Variants in SYT7 observed in about 807,000 individuals in gnomAD.
SYT7 encodes the protein synaptotagmin-7.
Under a neutral mutation model 75.1 loss-of-function variants are expected in SYT7, and 29 were observed. That is an observed-to-expected ratio of 0.39 (90% CI 0.29 to 0.53). The LOEUF (loss-of-function observed/expected upper bound fraction) is 0.53. SYT7 is among the 20% of genes least tolerant of loss of function. The probability of loss-of-function intolerance (pLI) is 0.77; values close to 1 mark genes in which losing one functional copy is unlikely to be tolerated. For missense variants in SYT7, 693 were observed against 953.2 expected (o/e 0.73, Z 3.59); for synonymous variants, 376 against 401.7 (o/e 0.94, Z 0.76).
chr11:61,523,159 G>A lies in SYT7; in HGVS notation c.1872C>T (p.Ile624=). The A allele has an allele frequency of 6.2e-7, 1 of 1,614,216 alleles. No individual in the cohort carries two copies. ...TCGTCTCCCTCAGCTTCTCCGTGGG[G>A]ATATCGAAGGCGAAGGACTCATTGA... ...PIFNESFAFD[I]PTEKLRETTI... The change falls in exon 12 of 13, where the codon ATC becomes ATT. Residue 624 remains isoleucine (I), a synonymous_variant. Coordinates refer to ENST00000539008, the MANE Select transcript of SYT7 (RefSeq NM_001365809.2). This position sits in a 1 kb window ranked among gnomAD's most constrained non-coding sequence, Gnocchi z 5.0.
chr11:61,561,225 C>T (rs535852171), intron 1 of SYT7, among the ~76,000 whole-genome samples: 2 of 152,276 alleles, frequency 1.3e-5, no homozygotes, highest in Admixed American at 1.3e-4. Context: ...CATCCTAGGT[C>T]CCGGCGGGTA....
chr11:61,527,004 TTACG>T (rs1361142529), intron 9 of SYT7, among the ~76,000 whole-genome samples: 1 of 152,000 alleles, frequency 6.6e-6, no homozygotes, highest in Non-Finnish European at 1.5e-5. Flanking sequence ...TGGCAAAGGG[TTACG>T]GTTTGTCTAA....
In SYT7 at chr11:61,528,011, T is replaced by C; in HGVS notation, c.1375A>G (p.Lys459Glu). ...TTCTTGTCGGGCAGCAGGTAGATCT[T>C]GACGAAGGGGTCGCTGGTGCCGCTG... ...DFSGTSDPFVKIYLLPDKKHK... is the reference protein window; with the variant it reads ...DFSGTSDPFVEIYLLPDKKHK... The change falls in exon 9 of 13, where the codon AAG becomes GAG. Residue 459 changes from lysine to glutamate, a missense_variant. Around this residue, in one of 2 missense-constraint regions of SYT7, gnomAD observed 206 missense variants for 360.0 expected, o/e 0.57. Coordinates refer to ENST00000539008, the MANE Select transcript of SYT7 (RefSeq NM_001365809.2). 1 of 1,614,092 alleles carries C rather than the reference T, an allele frequency of 6.2e-7. No individual in the cohort carries two copies. Among genetic ancestry groups the C allele is most frequent in the Non-Finnish European group, 8.5e-7 (1 of 1,180,004 alleles).
chr11:61,535,620 A>G (rs1237757039), intron 7 of SYT7, among the ~76,000 whole-genome samples: 3 of 152,156 alleles, frequency 2.0e-5, no homozygotes, highest in Admixed American at 6.5e-5. Context: ...AGGGACACCA[A>G]GAATCGTGGG....
At chr11:61,560,559 G>T (rs1384283128) in intron 1 of SYT7, among the ~76,000 whole-genome samples, 1 of 152,164 alleles carries the variant, frequency 6.6e-6, no homozygotes, top group Non-Finnish European at 1.5e-5. Context: ...AGCCCTCAAA[G>T]GCAGGGTGAA....
Position 61,550,644 on chromosome 11 carries a change from T to TC in SYT7, c.215+739dup, listed in dbSNP as rs577606549. Among the ~76,000 whole-genome samples, 8 of 151,480 alleles carry TC rather than the reference T, an allele frequency of 5.3e-5. No individual in the cohort carries two copies. In the South Asian group the frequency reaches 1.7e-3, roughly 32 times the overall value. On this transcript the variant is annotated intron_variant, in intron 3 of 12. Coordinates refer to ENST00000539008, the MANE Select transcript of SYT7 (RefSeq NM_001365809.2). ...CCACTGGCCAGTGGGCACAGAGGCC[T>TC]CCCCCCCAGCAAAAGCCTCCATTTC...
At position 61,568,128 on chromosome 11, in the gene SYT7, C is replaced by A. The variant is rs948479602; in HGVS notation, c.32-11921G>T. On this transcript the variant is annotated intron_variant, in intron 1 of 12. Coordinates refer to ENST00000539008, the MANE Select transcript of SYT7 (RefSeq NM_001365809.2). ...CCCAAACAAGAACTTTGCCCATACC[C>A]GCCCCAGGAAAAAGTGAGGGGTTGC... Among the ~76,000 whole-genome samples the A allele has an allele frequency of 4.4e-4, 67 of 152,278 alleles. 1 individual carries two copies. Among genetic ancestry groups the A allele is most frequent in the Non-Finnish European group, 1.5e-4 (10 of 68,022 alleles).
chr11:61,540,398 G>T (rs2063007379), intron 6 of SYT7: 1 of 644,666 alleles, frequency 1.6e-6, no homozygotes, highest in Non-Finnish European at 1.9e-6. Context: ...GCTAAGAGTG[G>T]TTTTTACATT....
chr11:61,581,264 C>T (rs1207903215), upstream of SYT7: 2 of 147,304 alleles, frequency 1.4e-5, no homozygotes, highest in Non-Finnish European at 3.0e-5. Context: ...GAAGCCGCCC[C>T]GAGGGCACGG....
rs990739202 is a variant in SYT7, at chr11:61,551,056, C to T, written c.215+328G>A. Among the ~76,000 whole-genome samples, 7 of 152,050 alleles carry T rather than the reference C, an allele frequency of 4.6e-5. No individual in the cohort carries two copies. Among genetic ancestry groups the T allele is most frequent in the Non-Finnish European group, 8.8e-5 (6 of 67,990 alleles). On this transcript the variant is annotated intron_variant, in intron 3 of 12. Coordinates refer to ENST00000539008, the MANE Select transcript of SYT7 (RefSeq NM_001365809.2). The surrounding 1 kb of genome is among the most constrained non-coding windows in gnomAD (Gnocchi z 5.3). ...AGAGGGGCTTGGAGGTCCAGGGAAGCCGGCGGGTGGTGGGCACAGTGTGTG... is the reference window on the plus strand; with the variant it reads ...AGAGGGGCTTGGAGGTCCAGGGAAGTCGGCGGGTGGTGGGCACAGTGTGTG...
chr11:61,562,243 A>G (rs1294725443), intron 1 of SYT7, among the ~76,000 whole-genome samples: 1 of 152,132 alleles, frequency 6.6e-6, no homozygotes, highest in African/African-American at 2.4e-5. Context: ...TTCCCAGCAT[A>G]CTGGGCCTAC....
chr11:61,538,910 T>A (rs2062962036), intron 6 of SYT7, among the ~76,000 whole-genome samples: 1 of 151,998 alleles, frequency 6.6e-6, no homozygotes, highest in Admixed American at 6.6e-5. Flanking sequence ...CCAGGTAGGG[T>A]CTAAGGAGCT....
At position 61,576,662 on chromosome 11, in the gene SYT7, T is replaced by A. The variant is rs1198872859; in HGVS notation, c.31+4128A>T. ...AACCAGTTATTGAAAACGAAAACGG[T>A]CCATCAGATTCAATAAGGATTCAAA... On this transcript the variant is annotated intron_variant, in intron 1 of 12. Coordinates refer to ENST00000539008, the MANE Select transcript of SYT7 (RefSeq NM_001365809.2). This position sits in a 1 kb window ranked among gnomAD's most constrained non-coding sequence, Gnocchi z 4.1. 2.3e-5 allele frequency among the ~76,000 whole-genome samples: 3 copies of A among 128,670 alleles called. No individual in the cohort carries two copies. The highest frequency in any genetic ancestry group is 3.1e-5 in the Non-Finnish European group (2 of 63,696). 84.4% of individuals were successfully genotyped at this position (128,670 alleles called of 152,430 possible).
At chr11:61,535,401 G>C (rs538620243) in intron 7 of SYT7, among the ~76,000 whole-genome samples, 1 of 152,358 alleles carries the variant, frequency 6.6e-6, no homozygotes, top group Non-Finnish European at 1.5e-5. Context: ...CACTTGGGGT[G>C]GGGGTGGGCC....
chr11:61,546,666 A>G lies in SYT7; in HGVS notation c.348-411T>C. 2.2e-6 allele frequency: 1 copy of G among 462,116 alleles called. No homozygotes were observed. Among genetic ancestry groups the G allele is most frequent in the South Asian group, 1.5e-5 (1 of 64,602 alleles). The allele number at this position is 462,116 out of a possible 1,614,324, so 28.6% of individuals were successfully genotyped here. On this transcript the variant is annotated intron_variant, in intron 4 of 12. Transcript: ENST00000539008. This position sits in a 1 kb window ranked among gnomAD's most constrained non-coding sequence, Gnocchi z 7.6. ...ACGACGGAGGAAGAGCGGGCTGTCC[A>G]GGCCAGGAGGCCCCAAGGCAGGGAG...
At chr11:61,532,582 T>A (rs1208626870) in intron 8 of SYT7, among the ~76,000 whole-genome samples, 1 of 152,108 alleles carries the variant, frequency 6.6e-6, no homozygotes, top group Non-Finnish European at 1.5e-5. Flanking sequence ...TAAGGGGACA[T>A]CACTCTCAGG....
At chr11:61,526,902 G>T (rs2062536010) in intron 9 of SYT7, among the ~76,000 whole-genome samples, 1 of 152,186 alleles carries the variant, frequency 6.6e-6, no homozygotes, top group Non-Finnish European at 1.5e-5. Flanking sequence ...GGTGGGGAAA[G>T]GTCCCTGGGG....
At chr11:61,568,079 C>G (rs2063823622) in intron 1 of SYT7, among the ~76,000 whole-genome samples, 1 of 152,162 alleles carries the variant, frequency 6.6e-6, no homozygotes, top group Non-Finnish European at 1.5e-5. Context: ...TCCCCCAGGG[C>G]AGAGGCTCCA....
chr11:61,566,949 T>C (rs1214775697), intron 1 of SYT7, among the ~76,000 whole-genome samples: 2 of 152,226 alleles, frequency 1.3e-5, no homozygotes, highest in African/African-American at 4.8e-5. Context: ...ACCTGAGGCT[T>C]GGAGCCGTGA....
Sources: gnomAD v4.1 joint callset for allele counts (sites outside exome capture counted in the v4.1 genomes callset) on GRCh38, gnomAD v4.1.1 for gene constraint, gnomAD v4.1.1 regional missense constraint, Gnocchi (gnomAD v3.1) non-coding constraint, MANE v1.5 for transcripts, NCBI Gene and HGNC (gene_info 2026-07-23, HGNC 2026-07-21) for gene names.